The following SPATA17 variants were observed in gnomAD, a reference collection of about 807,000 sequenced individuals.
SPATA17 encodes spermatogenesis associated 17.
In SPATA17, 53 loss-of-function variants were observed where a neutral mutation model predicts 62.2. The observed-to-expected ratio is 0.85, with a 90% CI of 0.68 to 1.07. SPATA17 has a LOEUF of 1.07. Among genes scored for constraint, SPATA17 ranks in the 50% least tolerant of loss-of-function variants. The probability of loss-of-function intolerance (pLI) is 0.00; values close to 1 mark genes in which losing one functional copy is unlikely to be tolerated. For synonymous variants in SPATA17, 146 were observed against 146.8 expected, an observed-to-expected ratio of 0.99 and a Z score of 0.04; for missense variants, 466 against 425.5, an observed-to-expected ratio of 1.10 and a Z score of -0.84.
chr1:217,707,416 T>A (rs1558574195), intron 5 of SPATA17, among the ~76,000 whole-genome samples: 1 of 152,202 alleles, frequency 6.6e-6, no homozygotes, highest in Non-Finnish European at 1.5e-5. Context: ...ATGCCTTTCA[T>A]TTCTTTCTTT....
chr1:217,783,620 T>C (rs1303763100), intron 8 of SPATA17, among the ~76,000 whole-genome samples: 1 of 152,138 alleles, frequency 6.6e-6, no homozygotes, highest in Non-Finnish European at 1.5e-5. Flanking sequence ...TCTAAAGAGT[T>C]ATATTACTCA....
intron 7 of SPATA17, among the ~76,000 whole-genome samples, chr1:217,778,378 G>C (rs537775578): frequency 1.3e-5 from 2 of 152,028 alleles, no homozygotes; most frequent in East Asian, 1.9e-4. Context: ...AAAATTAGCC[G>C]GGCATGGTGG....
intron 3 of SPATA17, among the ~76,000 whole-genome samples, chr1:217,654,860 G>C (rs552182287): frequency 1.2e-4 from 18 of 151,364 alleles, no homozygotes; most frequent in Non-Finnish European, 1.6e-4. Flanking sequence ...CTACAGGCAC[G>C]TGCCACCACG....
chr1:217,829,751 G>T (rs948268204), intron 9 of SPATA17, among the ~76,000 whole-genome samples: 1 of 151,718 alleles, frequency 6.6e-6, no homozygotes, highest in African/African-American at 2.4e-5. Context: ...TGGGCATGGG[G>T]AGGGGATTGG....
At chr1:217,711,475 A>C (rs1204325686) in intron 5 of SPATA17, among the ~76,000 whole-genome samples, 3 of 152,348 alleles carry the variant, frequency 2.0e-5, no homozygotes, top group African/African-American at 7.2e-5. Context: ...ATTCAGATAG[A>C]TATGAATTCG....
intron 5 of SPATA17, among the ~76,000 whole-genome samples, chr1:217,740,376 T>C (rs1399671770): frequency 6.6e-6 from 1 of 152,106 alleles, no homozygotes; most frequent in Non-Finnish European, 1.5e-5. Flanking sequence ...TAGTAAAGAT[T>C]AAAATTAATA....
intron 5 of SPATA17, among the ~76,000 whole-genome samples, chr1:217,720,639 C>T (rs1306863410): frequency 6.6e-6 from 1 of 152,042 alleles, no homozygotes; most frequent in Non-Finnish European, 1.5e-5. Context: ...AATAAATAAA[C>T]ATTTTTTTTA....
At chr1:217,682,712 C>G (rs1400562962) in intron 4 of SPATA17, among the ~76,000 whole-genome samples, 1 of 152,002 alleles carries the variant, frequency 6.6e-6, no homozygotes, top group Admixed American at 6.6e-5. Flanking sequence ...AGCAAGAACC[C>G]TTACATAGTG....
At chr1:217,649,064 A>AT in intron 2 of SPATA17, 93 bp downstream of exon 2, 1 of 814,054 alleles carries the variant, frequency 1.2e-6, no homozygotes, top group Non-Finnish European at 1.9e-6. Flanking sequence ...ATTTCAAATA[A>AT]TTTTTTATTT....
chr1:217,820,456 T>C (rs189916684), intron 9 of SPATA17, among the ~76,000 whole-genome samples: 1 of 151,952 alleles, frequency 6.6e-6, no homozygotes, highest in Non-Finnish European at 1.5e-5. Context: ...GTATTAAGAA[T>C]GCAGATAATG....
chr1:217,746,954 G>T (rs1672771357), intron 6 of SPATA17, among the ~76,000 whole-genome samples: 3 of 151,936 alleles, frequency 2.0e-5, no homozygotes, highest in Admixed American at 2.0e-4. Flanking sequence ...AGGTTAATTT[G>T]TTGCTACAGA....
intron 3 of SPATA17, among the ~76,000 whole-genome samples, chr1:217,664,989 A>G (rs1347350303): frequency 1.3e-5 from 2 of 152,114 alleles, no homozygotes; most frequent in Admixed American, 6.6e-5. Flanking sequence ...AAGGGAGAAG[A>G]AAAAAACGTG....
intron 5 of SPATA17, among the ~76,000 whole-genome samples, chr1:217,717,598 T>C (rs1248860232): frequency 1.3e-5 from 2 of 152,112 alleles, no homozygotes; most frequent in Admixed American, 6.6e-5. Flanking sequence ...GACAGAGTGA[T>C]ACTCTATCTC....
At chr1:217,767,143 G>A (rs1412288101) in intron 6 of SPATA17, among the ~76,000 whole-genome samples, 1 of 152,096 alleles carries the variant, frequency 6.6e-6, no homozygotes, top group African/African-American at 2.4e-5. Context: ...AGGGTAGAGT[G>A]TAGGCTTGTG....
intron 6 of SPATA17, among the ~76,000 whole-genome samples, chr1:217,743,425 T>C (rs1672672255): frequency 6.6e-6 from 1 of 152,114 alleles, no homozygotes; most frequent in Non-Finnish European, 1.5e-5. Context: ...AACTGAGTAC[T>C]ATTAATATCC....
At chr1:217,715,157 TAC>T (rs1425910165) in intron 5 of SPATA17, among the ~76,000 whole-genome samples, 2 of 152,226 alleles carry the variant, frequency 1.3e-5, no homozygotes, top group Admixed American at 6.5e-5. Flanking sequence ...TCAAGATGTA[TAC>T]ACACACACAT....
At chr1:217,766,289 T>G (rs1219438476) in intron 6 of SPATA17, among the ~76,000 whole-genome samples, 3 of 152,078 alleles carry the variant, frequency 2.0e-5, no homozygotes, top group Non-Finnish European at 4.4e-5. Context: ...CTTTGTGATT[T>G]TAACTGCATA....
At position 217,774,402 on chromosome 1, in the gene SPATA17, A is replaced by G; in HGVS notation, c.588A>G (p.Ala196=). The change falls in exon 7 of 11, where the codon GCA becomes GCG. Residue 196 remains alanine (A), a synonymous_variant. Coordinates refer to ENST00000366933, the MANE Select transcript of SPATA17 (RefSeq NM_138796.4). ...PDPWELQLQK[A]KPLTHRRPKV... The stretch of plus-strand genomic sequence containing the variant: ...CATGGGAGCTGCAATTACAGAAGGC[A>G]AAGCCTTTAACACACCGAAGACCTA... 1 of 1,613,966 alleles carries G rather than the reference A, an allele frequency of 6.2e-7. No homozygotes were observed. The highest frequency in any genetic ancestry group is 8.5e-7 in the Non-Finnish European group (1 of 1,179,862).
chr1:217,853,584 G>T (rs979282911), intron 9 of SPATA17, among the ~76,000 whole-genome samples: 1 of 152,090 alleles, frequency 6.6e-6, no homozygotes, highest in Non-Finnish European at 1.5e-5. Context: ...ATCAATTCTT[G>T]TTATCTGCAG....
Sources: gnomAD v4.1 joint callset for allele counts (sites outside exome capture counted in the v4.1 genomes callset) on GRCh38, gnomAD v4.1.1 for gene constraint, MANE v1.5 for transcripts, NCBI Gene and HGNC (gene_info 2026-07-23, HGNC 2026-07-21) for gene names.